KIAA0825: variants seen among roughly 807,000 people sequenced by gnomAD.
KIAA0825 encodes uncharacterized protein KIAA0825.
A neutral mutation model predicts 147.6 loss-of-function variants in KIAA0825; 119 were observed. That is an observed-to-expected ratio of 0.81 (90% confidence interval 0.69 to 0.94). KIAA0825 has a LOEUF of 0.94. KIAA0825 is among the 40% of genes least tolerant of loss of function. The pLI is 0.00. For missense variants in KIAA0825, 1,381 were observed against 1,472.7 expected (o/e 0.94, Z 1.02); for synonymous variants, 470 against 518.1 (o/e 0.91, Z 1.26).
In KIAA0825 at chr5:94,396,384, A is replaced by AT. The variant is rs776803745; in HGVS notation, c.3012dup (p.Phe1005IlefsTer3). The AT allele has an allele frequency of 6.5e-6, 10 of 1,550,308 alleles. No homozygotes were observed. The highest frequency in any genetic ancestry group is 7.8e-6 in the Non-Finnish European group (9 of 1,146,648). ...AGGCCAGCTTTCTTCAATTCAACAA[A>AT]TTTTTTTGACATTTTTCTCTCAGAC... On this transcript the variant is annotated frameshift_variant, in exon 17 of 21. Transcript: ENST00000682413. LOFTEE classifies it high-confidence loss of function.
intron 20 of KIAA0825, among the ~76,000 whole-genome samples, chr5:94,207,965 A>G (rs1011811092): frequency 2.0e-5 from 3 of 152,222 alleles, no homozygotes; most frequent in African/African-American, 7.2e-5. Flanking sequence ...CAGAGCTATC[A>G]AATATTTTAG....
intron 20 of KIAA0825, among the ~76,000 whole-genome samples, chr5:94,345,607 A>G (rs970178362): frequency 1.3e-5 from 2 of 152,186 alleles, no homozygotes; most frequent in African/African-American, 4.8e-5. Flanking sequence ...TTAAAAGTTT[A>G]TGGATAAATA....
intron 20 of KIAA0825, among the ~76,000 whole-genome samples, chr5:94,359,869 A>C (rs1456435202): frequency 6.6e-6 from 1 of 152,244 alleles, no homozygotes; most frequent in Non-Finnish European, 1.5e-5. Flanking sequence ...GATTTAAACT[A>C]GGGTGAGCAA....
intron 1 of KIAA0825, among the ~76,000 whole-genome samples, chr5:94,605,860 G>C (rs988971385): frequency 1.3e-5 from 2 of 152,174 alleles, no homozygotes; most frequent in Non-Finnish European, 1.5e-5. Flanking sequence ...ACTGGCATGA[G>C]GATGCCCTCT....
intron 1 of KIAA0825, among the ~76,000 whole-genome samples, chr5:94,587,799 T>A (rs1783594484): frequency 6.6e-6 from 1 of 152,094 alleles, no homozygotes; most frequent in Admixed American, 6.5e-5. Context: ...CAAACTACAC[T>A]AGAAGGCTAC....
At chr5:94,575,762 C>G (rs560626315) in intron 2 of KIAA0825, among the ~76,000 whole-genome samples, 144 of 152,292 alleles carry the variant, frequency 9.5e-4, no homozygotes, top group Non-Finnish European at 1.6e-3. Context: ...CCATAGATAC[C>G]ATACATTGCA....
At chr5:94,593,978 C>T (rs1268739395) in intron 1 of KIAA0825, 1 of 478,394 alleles carries the variant, frequency 2.1e-6, no homozygotes, top group Non-Finnish European at 4.2e-6. Flanking sequence ...AGAATCCTTG[C>T]TATTACTCTT....
chr5:94,396,900 G>A (rs564522021), intron 16 of KIAA0825, among the ~76,000 whole-genome samples: 1 of 151,996 alleles, frequency 6.6e-6, no homozygotes, highest in Non-Finnish European at 1.5e-5. Context: ...ATCCATGACA[G>A]AATCATTTCA....
At chr5:94,501,752 G>A (rs751955314) in intron 5 of KIAA0825, among the ~76,000 whole-genome samples, 10 of 152,062 alleles carry the variant, frequency 6.6e-5, no homozygotes, top group African/African-American at 9.7e-5. Context: ...TTGTTTTGGA[G>A]GGCAATTTGA....
At chr5:94,526,570 G>A (rs1283474234) in intron 3 of KIAA0825, among the ~76,000 whole-genome samples, 1 of 151,898 alleles carries the variant, frequency 6.6e-6, no homozygotes, top group Non-Finnish European at 1.5e-5. Flanking sequence ...TTACTGAGAG[G>A]CTGTGTATAA....
intron 15 of KIAA0825, among the ~76,000 whole-genome samples, chr5:94,404,739 TATTAA>T (rs1344774181): frequency 6.6e-6 from 1 of 152,226 alleles, no homozygotes; most frequent in East Asian, 1.9e-4. Context: ...CCATTTTTCA[TATTAA>T]ATTAACAAAT....
At position 94,537,085 on chromosome 5, in the gene KIAA0825, T is replaced by C; in HGVS notation, c.42A>G (p.Leu14=). ...CAGGAAATGAGTTTAACAAACAATG[T>C]AGGTCAAAAGAATTATGAGAATATT... ...DDEYSHNSFD[L]HCLLNSFPGD... Residue 14 remains leucine (L), a synonymous_variant, in exon 3 of 21, where the codon CTA becomes CTG. Coordinates refer to ENST00000682413, the MANE Select transcript of KIAA0825 (RefSeq NM_001145678.3). 6 of 1,610,920 alleles carry C rather than the reference T, an allele frequency of 3.7e-6. No individual in the cohort carries two copies. Among genetic ancestry groups the C allele is most frequent in the Non-Finnish European group, 5.1e-6 (6 of 1,177,456 alleles).
chr5:94,432,584 AG>A (rs1166645752), intron 14 of KIAA0825, among the ~76,000 whole-genome samples: 2 of 147,382 alleles, frequency 1.4e-5, no homozygotes, highest in Non-Finnish European at 3.0e-5. Flanking sequence ...TAGTAAAGAA[AG>A]TGACAAAAAA....
intron 1 of KIAA0825, among the ~76,000 whole-genome samples, chr5:94,591,928 T>C (rs921396684): frequency 4.6e-5 from 7 of 152,178 alleles, no homozygotes; most frequent in Non-Finnish European, 1.0e-4. Context: ...TTTAGTATCA[T>C]GAGAACAGCA....
At chr5:94,522,871 C>T (rs558777854) in intron 4 of KIAA0825, among the ~76,000 whole-genome samples, 4 of 151,694 alleles carry the variant, frequency 2.6e-5, no homozygotes, top group Admixed American at 2.0e-4. Flanking sequence ...AAAGCGTTTG[C>T]TTTTAATTAA....
chr5:94,365,119 G>A (rs1323950324), intron 20 of KIAA0825, among the ~76,000 whole-genome samples: 3 of 152,110 alleles, frequency 2.0e-5, no homozygotes, highest in Non-Finnish European at 4.4e-5. Flanking sequence ...TATGTAAATC[G>A]GGCCCTCAAG....
chr5:94,336,045 T>A (rs1781756014), intron 20 of KIAA0825, among the ~76,000 whole-genome samples: 1 of 152,120 alleles, frequency 6.6e-6, no homozygotes, highest in Admixed American at 6.6e-5. Context: ...TTATCTTCAT[T>A]AGGATTTAGT....
At chr5:94,517,421 T>C (rs1390497340) in intron 5 of KIAA0825, among the ~76,000 whole-genome samples, 1 of 152,076 alleles carries the variant, frequency 6.6e-6, no homozygotes, top group Non-Finnish European at 1.5e-5. Flanking sequence ...GATAGATAGA[T>C]AGACAGATAG....
chr5:94,521,518 A>G (rs1402930101), intron 4 of KIAA0825, among the ~76,000 whole-genome samples: 2 of 151,730 alleles, frequency 1.3e-5, no homozygotes, highest in African/African-American at 4.8e-5. Flanking sequence ...CTTTTTGAGA[A>G]CTGTGTTAAG....
Sources: allele counts gnomAD v4.1 joint callset (sites outside exome capture counted in the v4.1 genomes callset), GRCh38; gene constraint gnomAD v4.1.1; transcripts MANE v1.5; gene names NCBI Gene and HGNC (gene_info 2026-07-23, HGNC 2026-07-21).